ZNF81: variants seen among roughly 807,000 people sequenced by gnomAD.
ZNF81 encodes the protein zinc finger protein 81 (HFZ20).
Under a neutral mutation model 32.3 loss-of-function variants are expected in ZNF81, and 5 were observed. That is an observed-to-expected ratio of 0.15 (90% CI 0.08 to 0.33). The LOEUF is 0.33. Among genes scored for constraint, ZNF81 ranks in the 10% least tolerant of loss-of-function variants. ZNF81 has a pLI of 1.00. For synonymous variants in ZNF81, 163 were observed against 166.8 expected, an observed-to-expected ratio of 0.98 and a Z score of 0.17; for missense variants, 379 against 479.8, an observed-to-expected ratio of 0.79 and a Z score of 1.96.
intron 3 of ZNF81, among the ~76,000 whole-genome samples, chrX:47,891,451 C>A (rs943463893): frequency 1.8e-4 from 20 of 112,266 alleles, no homozygotes; most frequent in African/African-American, 6.5e-4. Flanking sequence ...TTCCGCAATC[C>A]CTCCAGGAAT....
chrX:47,889,709 T>C (rs782668391), intron 3 of ZNF81, among the ~76,000 whole-genome samples: 2 of 112,078 alleles, frequency 1.8e-5, no homozygotes, highest in African/African-American at 6.5e-5. Flanking sequence ...AAAGGAAGCA[T>C]AGTGGCTCCT....
At chrX:47,900,581 T>C (rs1249743836) in intron 4 of ZNF81, among the ~76,000 whole-genome samples, 2 of 112,177 alleles carry the variant, frequency 1.8e-5, no homozygotes, top group Admixed American at 9.4e-5. Flanking sequence ...CAAAAGAACA[T>C]TTTTCTGCTC....
At chrX:47,858,400 T>G (rs2058525852) in intron 2 of ZNF81, among the ~76,000 whole-genome samples, 2 of 112,156 alleles carry the variant, frequency 1.8e-5, no homozygotes, top group African/African-American at 3.2e-5. Context: ...TCTTCCTTTG[T>G]CTTGTCTTAT....
Position 47,895,825 on chromosome X carries a change from C to CT in ZNF81, c.182-19dup. 8.6e-7 allele frequency: 1 copy of CT among 1,161,876 alleles called. No homozygotes were observed. The highest frequency in any genetic ancestry group is 1.2e-6 in the Non-Finnish European group (1 of 851,246). ...AAAGCAATTTGCTGGACCCAATTCT[C>CT]TATCGTGTCCTGTTAACAGGGTTCG... On this transcript the variant is annotated intron_variant, in intron 3 of 4. Transcript: ENST00000338637.
Sources: allele counts gnomAD v4.1 joint callset (sites outside exome capture counted in the v4.1 genomes callset), GRCh38; gene constraint gnomAD v4.1.1; transcripts MANE v1.5; gene names NCBI Gene and HGNC (gene_info 2026-07-23, HGNC 2026-07-21).